Variants in SNRPN observed in about 807,000 individuals in gnomAD.
The protein encoded by SNRPN is small nuclear ribonucleoprotein polypeptide N, also known as small nuclear ribonucleoprotein-associated protein N.
A neutral mutation model predicts 25.2 loss-of-function variants in SNRPN; 7 were observed. That is an observed-to-expected ratio of 0.28 (90% confidence interval 0.16 to 0.52). SNRPN has a LOEUF of 0.52. Ranked by LOEUF, SNRPN falls within the 20% of genes least tolerant of loss-of-function variation. The pLI is 0.96. For synonymous variants in SNRPN, 124 were observed against 110.6 expected, an observed-to-expected ratio of 1.12 and a Z score of -0.76; for missense variants, 196 against 322.5, an observed-to-expected ratio of 0.61 and a Z score of 3.00.
At chr15:24,847,295 C>T (rs1490868237) in intron 2 of SNRPN, among the ~76,000 whole-genome samples, 1 of 152,064 alleles carries the variant, frequency 6.6e-6, no homozygotes, top group African/African-American at 2.4e-5. Context: ...AAAGGTGAGG[C>T]CCAGGAACCG....
rs1364582481 is a variant in SNRPN at position 24,880,637 on chromosome 15, C to T, written c.-578-5879C>T. Among the ~76,000 whole-genome samples the T allele has an allele frequency of 2.0e-5, 3 of 152,058 alleles. No individual in the cohort carries two copies. The East Asian group carries it at 5.8e-4, about 29-fold the overall frequency. ...CTGAAAATGGAACCCTAATGGGAGC[C>T]TGATGAATTTTTTAATTGAAGCCAA... On this transcript the variant is annotated intron_variant, in intron 1 of 11. Coordinates refer to the SNRPN transcript ENST00000400097.
chr15:24,929,865 A>G lies in SNRPN; in HGVS notation c.-391+9741A>G, dbSNP rs1295433099. Among the ~76,000 whole-genome samples the G allele has an allele frequency of 3.9e-5, 6 of 152,178 alleles. No homozygotes were observed. Among genetic ancestry groups the G allele is most frequent in the Admixed American group, 6.5e-5 (1 of 15,270 alleles). On this transcript the variant is annotated intron_variant, in intron 3 of 11. Coordinates refer to the SNRPN transcript ENST00000400097. The surrounding 1 kb of genome is among the most constrained non-coding windows in gnomAD (Gnocchi z 5.3). ...AGTAACAAATTTGCTCAAAGAATCA[A>G]CCTGAACACATGTACATCTATTATG...
chr15:24,965,301 G>T (rs1256420769), intron 2 of SNRPN, among the ~76,000 whole-genome samples: 2 of 152,144 alleles, frequency 1.3e-5, no homozygotes, highest in South Asian at 2.1e-4. Flanking sequence ...ACTTTGGGAG[G>T]CGAAGGTGGG....
rs144974597 is a variant in SNRPN at position 24,962,273 on chromosome 15, A to G, written c.-295+64A>G. 10 of 1,284,536 alleles carry G rather than the reference A, an allele frequency of 7.8e-6. No individual in the cohort carries two copies. In the African/African-American group the frequency reaches 1.2e-4, roughly 15 times the overall value. The allele number at this position is 1,284,536 out of a possible 1,614,324, so 79.6% of individuals were successfully genotyped here. ...ATCTCCTTTCAGATTAGAACAAAAT[A>G]TCATGCAATGAGGGGATTAAAATGA... On this transcript the variant is annotated intron_variant, in intron 2 of 9. Transcript: ENST00000390687.
At chr15:24,837,072 T>C (rs2051260964) in intron 2 of SNRPN, among the ~76,000 whole-genome samples, 2 of 151,976 alleles carry the variant, frequency 1.3e-5, no homozygotes, top group South Asian at 4.2e-4. Context: ...TACATTGGGG[T>C]AGTATTTCCT....
intron 1 of SNRPN, among the ~76,000 whole-genome samples, chr15:24,827,945 C>T (rs1186165581): frequency 8.2e-6 from 1 of 121,220 alleles, no homozygotes; most frequent in Non-Finnish European, 1.8e-5. Context: ...ATTTTCAACT[C>T]CATTGCAATC....
intron 2 of SNRPN, among the ~76,000 whole-genome samples, chr15:24,962,751 T>G (rs772234254): frequency 1.3e-5 from 2 of 152,204 alleles, no homozygotes; most frequent in Admixed American, 1.3e-4. Context: ...AAATTTTAAT[T>G]AAAAATAGGT....
intron 2 of SNRPN, among the ~76,000 whole-genome samples, chr15:24,891,006 G>A (rs1467603428): frequency 2.0e-5 from 3 of 152,008 alleles, no homozygotes; most frequent in South Asian, 2.1e-4. Flanking sequence ...CACCACCCAG[G>A]TCCAATCAGT....
At chr15:24,918,472 A>G (rs61999142) in intron 2 of SNRPN, among the ~76,000 whole-genome samples, 4,106 of 91,132 alleles carry the variant, frequency 0.045, 217 homozygotes, top group East Asian at 0.063. Context: ...ATATATGTGT[A>G]TATATATAAC....
At chr15:24,954,949 A>G (rs1263272550), upstream of SNRPN, 2 of 1,540,402 alleles carry the variant, frequency 1.3e-6, no homozygotes, top group East Asian at 2.3e-5. Flanking sequence ...TCAGGCGGGG[A>G]TGTGTGCGAA....
At chr15:24,913,085 A>C (rs1291648941) in intron 2 of SNRPN, among the ~76,000 whole-genome samples, 1 of 152,058 alleles carries the variant, frequency 6.6e-6, no homozygotes, top group East Asian at 2.0e-4. Context: ...GATTACAGGC[A>C]TGCACTACCA....
At position 24,828,471 on chromosome 15, in the gene SNRPN, C is replaced by T. The variant is rs189835644; in HGVS notation, c.-686-1327C>T. Among the ~76,000 whole-genome samples, 31 of 152,068 alleles carry T rather than the reference C, an allele frequency of 2.0e-4. 1 individual carries two copies. The highest frequency in any genetic ancestry group is 8.5e-4 in the Admixed American group (13 of 15,280). ...AAAATAAACATATGTGGCTTGAACC[C>T]GGGAGGCGGAGCTTGCTGTGAGCTG... On this transcript the variant is annotated intron_variant, in intron 1 of 12. Transcript: ENST00000400100.
chr15:24,826,183 A>G (rs920215170), intron 1 of SNRPN, among the ~76,000 whole-genome samples: 1 of 152,038 alleles, frequency 6.6e-6, no homozygotes, highest in Non-Finnish European at 1.5e-5. Context: ...CTCTGTAGAA[A>G]ATGGCTGGCA....
intron 1 of SNRPN, among the ~76,000 whole-genome samples, chr15:24,827,471 G>C (rs902694931): frequency 1.4e-5 from 2 of 144,360 alleles, no homozygotes; most frequent in African/African-American, 5.2e-5. Context: ...AGCTGAGATC[G>C]CGCCACTGCA....
intron 1 of SNRPN, chr15:24,958,835 C>G (rs1458349498): frequency 6.5e-6 from 1 of 154,352 alleles, no homozygotes; most frequent in Non-Finnish European, 1.5e-5. Context: ...ACTCCTGCCT[C>G]AGCCTCCCAA....
At chr15:24,947,898 G>C (rs1358344831) in intron 3 of SNRPN, among the ~76,000 whole-genome samples, 1 of 151,680 alleles carries the variant, frequency 6.6e-6, no homozygotes, top group Non-Finnish European at 1.5e-5. Flanking sequence ...TCACTTTTCT[G>C]CTAGAATTTT....
intron 1 of SNRPN, among the ~76,000 whole-genome samples, chr15:24,860,910 T>C (rs1235131386): frequency 2.0e-5 from 3 of 151,936 alleles, no homozygotes; most frequent in African/African-American, 7.3e-5. Context: ...AGGGATTGGG[T>C]TGAGGTGAGG....
chr15:24,960,592 C>T (rs1339033210), intron 1 of SNRPN, among the ~76,000 whole-genome samples: 3 of 152,090 alleles, frequency 2.0e-5, no homozygotes, highest in Admixed American at 1.3e-4. Flanking sequence ...TGAACCATTG[C>T]GCCCTGCCTC....
At chr15:24,899,104 C>G (rs1257262987) in intron 2 of SNRPN, among the ~76,000 whole-genome samples, 1 of 152,160 alleles carries the variant, frequency 6.6e-6, no homozygotes, top group African/African-American at 2.4e-5. Context: ...AGACCCTGGA[C>G]CCCAGACACG....
Sources: allele counts gnomAD v4.1 joint callset (sites outside exome capture counted in the v4.1 genomes callset), GRCh38; gene constraint gnomAD v4.1.1; non-coding constraint Gnocchi (gnomAD v3.1); transcripts MANE v1.5; gene names NCBI Gene and HGNC (gene_info 2026-07-23, HGNC 2026-07-21).